ASCC2: variants seen among roughly 807,000 people sequenced by gnomAD.
ASCC2 encodes ASC-1 complex subunit P100.
Under a neutral mutation model 93.5 loss-of-function variants are expected in ASCC2, and 42 were observed. That is an observed-to-expected ratio of 0.45 (90% CI 0.35 to 0.58). The LOEUF (loss-of-function observed/expected upper bound fraction) is 0.58, where lower values mean the gene tolerates loss of function less well. ASCC2 is among the 20% of genes least tolerant of loss of function. The pLI, the probability that ASCC2 is intolerant of heterozygous loss-of-function variation, is 0.00. For missense variants in ASCC2, 859 were observed against 977.6 expected (o/e 0.88, Z 1.62); for synonymous variants, 364 against 384.2 (o/e 0.95, Z 0.62).
At chr22:29,820,616 T>G (rs2061432759) in intron 5 of ASCC2, among the ~76,000 whole-genome samples, 1 of 151,876 alleles carries the variant, frequency 6.6e-6, no homozygotes, top group African/African-American at 2.4e-5. Flanking sequence ...ATTTCTTAAA[T>G]TAACACATAT....
chr22:29,804,495 A>T, intron 13 of ASCC2, 143 bp downstream of exon 13: 1 of 906,968 alleles, frequency 1.1e-6, no homozygotes, highest in South Asian at 1.6e-5. Context: ...AGAGCTGACC[A>T]GTTGCTTGAG....
At chr22:29,799,266 T>C (rs1429177743) in intron 15 of ASCC2, 1 of 152,290 alleles carries the variant, frequency 6.6e-6, no homozygotes, top group Non-Finnish European at 1.5e-5. Flanking sequence ...GTCTGCCCCT[T>C]GCCCACCGCT....
Position 29,803,647 on chromosome 22 carries a change from T to C in ASCC2, c.1353+991A>G, listed in dbSNP as rs538846574. Among the ~76,000 whole-genome samples, 4 of 152,328 alleles carry C rather than the reference T, an allele frequency of 2.6e-5. No homozygotes were observed. In the South Asian group the frequency reaches 8.3e-4, roughly 32 times the overall value. The stretch of plus-strand genomic sequence containing the variant: ...GAGATGCTCCCCTTTAATTACAATC[T>C]CTTTTTTAAGTAAGGGGCATGCATT... On this transcript the variant is annotated intron_variant, in intron 13 of 19. Coordinates refer to ENST00000307790, the MANE Select transcript of ASCC2 (RefSeq NM_032204.5).
At chr22:29,817,538 G>A (rs570006892) in intron 5 of ASCC2, among the ~76,000 whole-genome samples, 14 of 152,096 alleles carry the variant, frequency 9.2e-5, no homozygotes, top group South Asian at 2.1e-4. Context: ...CCTCCTCCAC[G>A]CAGTGCCTCC....
chr22:29,810,655 G>A (rs1301084318), intron 8 of ASCC2, among the ~76,000 whole-genome samples: 1 of 152,146 alleles, frequency 6.6e-6, no homozygotes, highest in Non-Finnish European at 1.5e-5. Context: ...ATCTGTCCTT[G>A]CTAGTCTACT....
intron 2 of ASCC2, among the ~76,000 whole-genome samples, chr22:29,827,055 G>A (rs1293602720): frequency 1.6e-5 from 2 of 126,450 alleles, no homozygotes; most frequent in Non-Finnish European, 3.1e-5. Flanking sequence ...CCGAGATCAC[G>A]CCACTGCACC....
At chr22:29,804,927 CA>C (rs1315656987) in intron 12 of ASCC2, 97 bp from the exon 13 acceptor site, 1 of 1,369,358 alleles carries the variant, frequency 7.3e-7, no homozygotes, top group Non-Finnish European at 1.0e-6. Context: ...TGGTTCCTGC[CA>C]GGGGCTTTCT....
intron 2 of ASCC2, among the ~76,000 whole-genome samples, chr22:29,826,474 C>G (rs1329529397): frequency 6.6e-6 from 1 of 151,886 alleles, no homozygotes; most frequent in Non-Finnish European, 1.5e-5. Context: ...CACCACCATG[C>G]CTGGCTAATT....
intron 7 of ASCC2, 81 bp downstream of exon 7, chr22:29,814,576 C>A (rs562433772): frequency 9.0e-6 from 11 of 1,227,422 alleles, no homozygotes; most frequent in Admixed American, 2.7e-5. Context: ...TCTACTGGGG[C>A]AATCTTCCCA....
At chr22:29,833,142 C>T (rs897498528) in intron 1 of ASCC2, among the ~76,000 whole-genome samples, 2 of 152,180 alleles carry the variant, frequency 1.3e-5, no homozygotes, top group Non-Finnish European at 2.9e-5. Flanking sequence ...ATGGCTCCAG[C>T]TCTGTGAGCT....
chr22:29,826,746 AACC>A (rs2062389274), intron 2 of ASCC2, among the ~76,000 whole-genome samples: 1 of 152,120 alleles, frequency 6.6e-6, no homozygotes, highest in Admixed American at 6.6e-5. Flanking sequence ...CTGCAGAGGT[AACC>A]ACTCACCATC....
rs2058157353 is a variant in ASCC2 at position 29,794,368 on chromosome 22, T to C, written c.1689-692A>G. On this transcript the variant is annotated intron_variant, in intron 15 of 19. Coordinates refer to ENST00000307790, the MANE Select transcript of ASCC2 (RefSeq NM_032204.5). ...TTAGCCGGGCATAGTGGCGGGTGCC[T>C]GTAATCCCAGTTACACGGGAGGCTG... Among the ~76,000 whole-genome samples, 3 of 151,334 alleles carry C rather than the reference T, an allele frequency of 2.0e-5. No homozygotes were observed. In the South Asian group the frequency reaches 6.3e-4, roughly 32 times the overall value.
chr22:29,792,630 C>T, intron 17 of ASCC2, 95 bp from the exon 18 acceptor site: 10 of 1,528,352 alleles, frequency 6.5e-6, no homozygotes, highest in Non-Finnish European at 8.9e-6. Context: ...GATGGGGCCG[C>T]CAGGAGGGCT....
chr22:29,828,778 C>T (rs1403749607), intron 2 of ASCC2, among the ~76,000 whole-genome samples: 1 of 152,164 alleles, frequency 6.6e-6, no homozygotes, highest in Non-Finnish European at 1.5e-5. Flanking sequence ...CAGAGAGGCA[C>T]AAGAAAACTT....
Position 29,789,186 on chromosome 22 carries a change from T to C in ASCC2, c.2103-2A>G. ...GCTGTTGAGCTGTCATGCCGGTACCTGAGGGAGGAACAACCCACCCCACGA... is the reference window on the plus strand; with the variant it reads ...GCTGTTGAGCTGTCATGCCGGTACCCGAGGGAGGAACAACCCACCCCACGA... On this transcript the variant is annotated splice_acceptor_variant, in intron 19 of 19. Transcript: ENST00000307790. LOFTEE classifies it high-confidence loss of function. The C allele has an allele frequency of 6.2e-7, 1 of 1,614,036 alleles. No individual in the cohort carries two copies. The highest frequency in any genetic ancestry group is 2.2e-5 in the East Asian group (1 of 44,874).
At chr22:29,824,251 T>TACACACACAC (rs60849755) in intron 4 of ASCC2, among the ~76,000 whole-genome samples, 9 of 146,456 alleles carry the variant, frequency 6.1e-5, no homozygotes, top group South Asian at 2.2e-4. Flanking sequence ...ATTTTTTAAA[T>TACACACACAC]ACACACACAC....
At chr22:29,799,092 GT>G (rs559838249) in intron 15 of ASCC2, 1 of 152,438 alleles carries the variant, frequency 6.6e-6, no homozygotes, top group South Asian at 2.1e-4. Context: ...TATGACCTAG[GT>G]GGGGTGAGAT....
In ASCC2 at chr22:29,829,381, T is replaced by A. The variant is rs1326422073; in HGVS notation, c.81+2864A>T. Among the ~76,000 whole-genome samples the A allele has an allele frequency of 3.3e-5, 5 of 152,160 alleles. No homozygotes were observed. The East Asian group carries it at 9.7e-4, about 29-fold the overall frequency. ...CATTCCGAGTCTATAGAACACCACCTGGCATTGAGCAGACTTTCTGTACAG... is the reference window on the plus strand; with the variant it reads ...CATTCCGAGTCTATAGAACACCACCAGGCATTGAGCAGACTTTCTGTACAG... On this transcript the variant is annotated intron_variant, in intron 2 of 19. Coordinates refer to ENST00000307790, the MANE Select transcript of ASCC2 (RefSeq NM_032204.5).
intron 5 of ASCC2, among the ~76,000 whole-genome samples, chr22:29,817,198 C>T (rs1211929423): frequency 6.6e-6 from 1 of 152,148 alleles, no homozygotes; most frequent in Non-Finnish European, 1.5e-5. Flanking sequence ...CTCCCACCTC[C>T]AGATGGGTGC....
Sources: allele counts gnomAD v4.1 joint callset (sites outside exome capture counted in the v4.1 genomes callset), GRCh38; gene constraint gnomAD v4.1.1; transcripts MANE v1.5; gene names NCBI Gene and HGNC (gene_info 2026-07-23, HGNC 2026-07-21).